MPV17L2: variants seen among roughly 807,000 people sequenced by gnomAD.
The protein encoded by MPV17L2 is mpv17-like protein 2.
A neutral mutation model predicts 24.2 loss-of-function variants in MPV17L2; 25 were observed. The observed-to-expected ratio is 1.03, with a 90% CI of 0.75 to 1.44. The LOEUF is 1.44. MPV17L2 is among the 40% of genes most tolerant of loss of function. The pLI, the probability that MPV17L2 is intolerant of heterozygous loss-of-function variation, is 0.00. For missense variants in MPV17L2, 271 were observed against 276.2 expected, an observed-to-expected ratio of 0.98 and a Z score of 0.13; for synonymous variants, 130 against 121.4, an observed-to-expected ratio of 1.07 and a Z score of -0.46.
rs577811134 is a variant in MPV17L2, at chr19:18,196,849, C to G, written c.*794C>G. 3.1e-4 allele frequency: 64 copies of G among 205,438 alleles called. No individual in the cohort carries two copies. The highest frequency in any genetic ancestry group is 1.6e-3 in the African/African-American group (63 of 38,780). 12.7% of individuals were successfully genotyped at this position (205,438 alleles called of 1,614,324 possible). A position where few individuals can be genotyped will look rare whatever the true frequency, so the allele number is the denominator to read the frequency against. On this transcript the variant is annotated 3_prime_UTR_variant, in exon 5 of 5. Coordinates refer to ENST00000599612, the MANE Select transcript of MPV17L2 (RefSeq NM_032683.3). ...TGCGTGTAGTGTTGTCATGACATCTCCTAAGGAACTGGGGGGCACGTTTGA... is the reference window on the plus strand; with the variant it reads ...TGCGTGTAGTGTTGTCATGACATCTGCTAAGGAACTGGGGGGCACGTTTGA...
In MPV17L2 at chr19:18,196,084, A is replaced by G. The variant is rs768129312; in HGVS notation, c.*29A>G. ...GTCTGCTTCCTGGACCAGATGCAAG[A>G]CTGTCTCCTGGCGGACCACCCCCTC... On this transcript the variant is annotated 3_prime_UTR_variant, in exon 5 of 5. Coordinates refer to ENST00000599612, the MANE Select transcript of MPV17L2 (RefSeq NM_032683.3). 2 of 1,613,984 alleles carry G rather than the reference A, an allele frequency of 1.2e-6. No homozygotes were observed. Among genetic ancestry groups the G allele is most frequent in the South Asian group, 1.1e-5 (1 of 91,084 alleles).
chr19:18,194,902 C>T, intron 3 of MPV17L2, 49 bp downstream of exon 3: 2 of 1,588,502 alleles, frequency 1.3e-6, no homozygotes, highest in South Asian at 1.1e-5. Context: ...CCCTGATGGC[C>T]GCTCCGCCCC....
In MPV17L2 at chr19:18,193,257, G is replaced by A. The variant is rs111816293; in HGVS notation, c.-25G>A. The A allele has an allele frequency of 3.8e-5, 55 of 1,461,758 alleles. 1 individual carries two copies. The highest frequency in any genetic ancestry group is 3.2e-4 in the African/African-American group (22 of 67,726). The allele number at this position is 1,461,758 out of a possible 1,614,324, so 90.5% of individuals were successfully genotyped here. On this transcript the variant is annotated 5_prime_UTR_variant, in exon 1 of 5. Coordinates refer to ENST00000599612, the MANE Select transcript of MPV17L2 (RefSeq NM_032683.3). ...CGGCGCGGCGAAAGCAGAGCGGCGC[G>A]CCGGTTCCTTGGTTCCTGAGGGCGA...
rs1967527389 is a variant in MPV17L2 at position 18,196,766 on chromosome 19, G to A, written c.*711G>A. ...AATGCTGTGGATGATCAAAACCAGGGTGGGCAGGACCCGGTGCTCACAGGG... is the reference window on the plus strand; with the variant it reads ...AATGCTGTGGATGATCAAAACCAGGATGGGCAGGACCCGGTGCTCACAGGG... On this transcript the variant is annotated 3_prime_UTR_variant, in exon 5 of 5. Coordinates refer to ENST00000599612, the MANE Select transcript of MPV17L2 (RefSeq NM_032683.3). The A allele has an allele frequency of 1.9e-5, 6 of 323,102 alleles. No homozygotes were observed. Among genetic ancestry groups the A allele is most frequent in the African/African-American group, 2.2e-5 (1 of 46,352 alleles). The allele number at this position is 323,102 out of a possible 1,614,324, so 20.0% of individuals were successfully genotyped here.
In MPV17L2 at chr19:18,196,180, G is replaced by A. The variant is rs17683509; in HGVS notation, c.*125G>A. 13 of 1,560,708 alleles carry A rather than the reference G, an allele frequency of 8.3e-6. No individual in the cohort carries two copies. Among genetic ancestry groups the A allele is most frequent in the South Asian group, 2.3e-5 (2 of 86,670 alleles). On this transcript the variant is annotated 3_prime_UTR_variant, in exon 5 of 5. Transcript: ENST00000599612. The stretch of plus-strand genomic sequence containing the variant: ...CACGTCCCAGCACCACTTCAGCTCC[G>A]GAGCATTGGGCTGAGCCGCCCTTTC...
rs574129906 is a variant in MPV17L2, at chr19:18,196,158, G to C, written c.*103G>C. The C allele has an allele frequency of 3.1e-6, 5 of 1,589,636 alleles. No homozygotes were observed. The highest frequency in any genetic ancestry group is 4.3e-6 in the Non-Finnish European group (5 of 1,170,754). On this transcript the variant is annotated 3_prime_UTR_variant, in exon 5 of 5. Transcript: ENST00000599612. ...GCAGCAAGCTCGGGTCTTGAGCCAC[G>C]TCCCAGCACCACTTCAGCTCCGGAG...
chr19:18,195,027 A>G lies in MPV17L2; in HGVS notation c.505A>G (p.Thr169Ala), dbSNP rs748126818. 1 of 1,613,290 alleles carries G rather than the reference A, an allele frequency of 6.2e-7. No homozygotes were observed. The highest frequency in any genetic ancestry group is 1.7e-5 in the Admixed American group (1 of 59,958). Residue 169 changes from threonine to alanine, a missense_variant, in exon 4 of 5, where the codon ACC (threonine) becomes GCC (alanine). By Grantham distance (58) the Thr-to-Ala change is moderately conservative. Coordinates refer to ENST00000599612, the MANE Select transcript of MPV17L2 (RefSeq NM_032683.3). ...FLFVPPQFRV[T>A]YINGLTLGWD... ...CTTCGTGCCCCCCCAATTTCGAGTC[A>G]CCTACATCAACGGCCTGACGCTGGG...
rs971233910 is a variant in MPV17L2, at chr19:18,196,532, C to G, written c.*477C>G. On this transcript the variant is annotated 3_prime_UTR_variant, in exon 5 of 5. Transcript: ENST00000599612. ...GGCCAGGCAGCCTCTGTGTTTCTTTCCCTGGTCCTGAACTGTGGAAATGCC... is the reference window on the plus strand; with the variant it reads ...GGCCAGGCAGCCTCTGTGTTTCTTTGCCTGGTCCTGAACTGTGGAAATGCC... 1.2e-5 allele frequency: 11 copies of G among 933,862 alleles called. No individual in the cohort carries two copies. The highest frequency in any genetic ancestry group is 1.5e-5 in the Non-Finnish European group (10 of 685,086). 57.8% of individuals were successfully genotyped at this position (933,862 alleles called of 1,614,324 possible).
At position 18,196,713 on chromosome 19, in the gene MPV17L2, AT is replaced by A. The variant is rs1967526312; in HGVS notation, c.*659del. The stretch of plus-strand genomic sequence containing the variant: ...ACATAGCAAGACCCTGTCTCTATTT[AT>A]ATTGAAAAATAAAAATAACAAAAGA... On this transcript the variant is annotated 3_prime_UTR_variant, in exon 5 of 5. Coordinates refer to ENST00000599612, the MANE Select transcript of MPV17L2 (RefSeq NM_032683.3). The A allele has an allele frequency of 3.1e-6, 1 of 322,104 alleles. No homozygotes were observed. The highest frequency in any genetic ancestry group is 2.2e-5 in the African/African-American group (1 of 46,484). 20.0% of individuals were successfully genotyped at this position (322,104 alleles called of 1,614,324 possible). A position where few individuals can be genotyped will look rare whatever the true frequency, so the allele number is the denominator to read the frequency against.
Position 18,194,969 on chromosome 19 carries a change from C to T in MPV17L2, c.447C>T (p.Cys149=), listed in dbSNP as rs754243377. 12 of 1,571,528 alleles carry T rather than the reference C, an allele frequency of 7.6e-6. No individual in the cohort carries two copies. Among genetic ancestry groups the T allele is most frequent in the South Asian group, 4.4e-5 (4 of 90,294 alleles). The part of the protein sequence containing the change: ...KFWEFYKADW[C]VWPAAQFVNF... The stretch of plus-strand genomic sequence containing the variant: ...GCCTCTCCCCGCAGGCAGACTGGTG[C>T]GTGTGGCCTGCTGCGCAGTTCGTGA... The change falls in exon 4 of 5, where the codon TGC becomes TGT. Residue 149 remains cysteine, a synonymous_variant. Transcript: ENST00000599612.
intron 3 of MPV17L2, 24 bp downstream of exon 3, chr19:18,194,877 A>G (rs1425746089): frequency 4.4e-6 from 7 of 1,599,392 alleles, no homozygotes; most frequent in African/African-American, 2.7e-5. Flanking sequence ...CCCCTTGCAC[A>G]TGTCCGGCCC....
At chr19:18,194,698 C>G in intron 2 of MPV17L2, 79 bp from the exon 3 acceptor site, 1 of 1,355,282 alleles carries the variant, frequency 7.4e-7, no homozygotes, top group Non-Finnish European at 1.0e-6. Context: ...AACCCCGCCC[C>G]CTCCATCGTC....
In MPV17L2 at chr19:18,194,801, C is replaced by A; in HGVS notation, c.383C>A (p.Thr128Lys). The stretch of plus-strand genomic sequence containing the variant: ...GGCCTTGGCTGCCTGGAGGGTCAGA[C>A]AGTGGGTGAGAGCTGCCAGGAGCTG... ...FLGLGCLEGQ[T>K]VGESCQELRE... The change falls in exon 3 of 5, where the codon ACA (threonine) becomes AAA (lysine). Residue 128 changes from threonine to lysine, a missense_variant. Thr to Lys is a moderately conservative substitution (Grantham distance 78). Transcript: ENST00000599612. 6.2e-7 allele frequency: 1 copy of A among 1,610,468 alleles called. No individual in the cohort carries two copies. The highest frequency in any genetic ancestry group is 2.2e-5 in the East Asian group (1 of 44,846).
chr19:18,194,554 T>G (rs1209277500), intron 2 of MPV17L2, among the ~76,000 whole-genome samples: 1 of 152,172 alleles, frequency 6.6e-6, no homozygotes, highest in Non-Finnish European at 1.5e-5. Flanking sequence ...TATATGTTTA[T>G]AACCTCTCTT....
At position 18,196,779 on chromosome 19, in the gene MPV17L2, G is replaced by A. The variant is rs867686816; in HGVS notation, c.*724G>A. ...ATCAAAACCAGGGTGGGCAGGACCC[G>A]GTGCTCACAGGGACACACATGGATG... On this transcript the variant is annotated 3_prime_UTR_variant, in exon 5 of 5. Transcript: ENST00000599612. 42 of 318,572 alleles carry A rather than the reference G, an allele frequency of 1.3e-4. No homozygotes were observed. Among genetic ancestry groups the A allele is most frequent in the Middle Eastern group, 1.1e-3 (1 of 876 alleles). 19.7% of individuals were successfully genotyped at this position (318,572 alleles called of 1,614,324 possible). A position where few individuals can be genotyped will look rare whatever the true frequency, so the allele number is the denominator to read the frequency against.
At chr19:18,193,580 C>T in intron 1 of MPV17L2, 112 bp downstream of exon 1, 5 of 1,406,346 alleles carry the variant, frequency 3.6e-6, no homozygotes, top group Non-Finnish European at 2.8e-6. Flanking sequence ...GGACCCTTGC[C>T]CTGACCGCGC....
chr19:18,196,765 G>A lies in MPV17L2; in HGVS notation c.*710G>A. 3.1e-6 allele frequency: 1 copy of A among 321,784 alleles called. No individual in the cohort carries two copies. Among genetic ancestry groups the A allele is most frequent in the South Asian group, 2.6e-5 (1 of 38,186 alleles). The allele number at this position is 321,784 out of a possible 1,614,324, so 19.9% of individuals were successfully genotyped here. A position where few individuals can be genotyped will look rare whatever the true frequency, so the allele number is the denominator to read the frequency against. On this transcript the variant is annotated 3_prime_UTR_variant, in exon 5 of 5. Transcript: ENST00000599612. ...AAATGCTGTGGATGATCAAAACCAGGGTGGGCAGGACCCGGTGCTCACAGG... is the reference window on the plus strand; with the variant it reads ...AAATGCTGTGGATGATCAAAACCAGAGTGGGCAGGACCCGGTGCTCACAGG...
chr19:18,193,644 C>T (rs974276885), intron 1 of MPV17L2, 176 bp downstream of exon 1: 1 of 1,414,766 alleles, frequency 7.1e-7, no homozygotes, highest in African/African-American at 1.4e-5. Context: ...ACCTCCCAAC[C>T]CCCGGAGGTC....
intron 4 of MPV17L2, among the ~76,000 whole-genome samples, chr19:18,195,355 G>C (rs1486088845): frequency 6.6e-6 from 1 of 151,148 alleles, no homozygotes; most frequent in Non-Finnish European, 1.5e-5. Flanking sequence ...GAGCAGACTG[G>C]GCAATATGGT....
Sources: gnomAD v4.1 joint callset for allele counts (sites outside exome capture counted in the v4.1 genomes callset) on GRCh38, gnomAD v4.1.1 for gene constraint, MANE v1.5 for transcripts, NCBI Gene and HGNC (gene_info 2026-07-23, HGNC 2026-07-21) for gene names.